Variants in MYO5A observed in about 807,000 individuals in gnomAD.
MYO5A encodes unconventional myosin-Va.
A neutral mutation model predicts 249.7 loss-of-function variants in MYO5A; 98 were observed. That is an observed-to-expected ratio of 0.39 (90% CI 0.33 to 0.46). MYO5A has a LOEUF of 0.46. Ranked by LOEUF, MYO5A falls within the 20% of genes least tolerant of loss-of-function variation. The pLI is 0.98. For synonymous variants in MYO5A, 778 were observed against 810.6 expected (o/e 0.96, Z 0.68); for missense variants, 1,696 against 2,308.8 (o/e 0.73, Z 5.44).
At chr15:52,524,978 A>G (rs2077705372) in intron 1 of MYO5A, among the ~76,000 whole-genome samples, 1 of 152,112 alleles carries the variant, frequency 6.6e-6, no homozygotes, top group Non-Finnish European at 1.5e-5. Context: ...TGATGACAGG[A>G]GGAATAGCAT....
At chr15:52,508,858 A>G (rs146183756) in intron 1 of MYO5A, among the ~76,000 whole-genome samples, 2 of 152,322 alleles carry the variant, frequency 1.3e-5, no homozygotes, top group African/African-American at 2.4e-5. Flanking sequence ...CAACAATACA[A>G]TGAAATCCGT....
chr15:52,357,279 A>G (rs1219294754), intron 25 of MYO5A, among the ~76,000 whole-genome samples: 4 of 152,072 alleles, frequency 2.6e-5, no homozygotes, highest in Non-Finnish European at 1.5e-5. Context: ...TAAATTATTT[A>G]ATCTTTTCTT....
intron 1 of MYO5A, among the ~76,000 whole-genome samples, chr15:52,465,816 C>G (rs966858453): frequency 6.6e-6 from 1 of 151,958 alleles, no homozygotes; most frequent in Non-Finnish European, 1.5e-5. Context: ...AGTGTGTAGA[C>G]AATCATACTT....
intron 1 of MYO5A, among the ~76,000 whole-genome samples, chr15:52,501,534 G>C (rs188697731): frequency 1.2e-4 from 18 of 152,190 alleles, no homozygotes; most frequent in African/African-American, 4.3e-4. Context: ...AGGAGTTCAA[G>C]GCTGCAGTGA....
intron 1 of MYO5A, among the ~76,000 whole-genome samples, chr15:52,448,209 C>T (rs1049746492): frequency 6.6e-6 from 1 of 152,258 alleles, no homozygotes; most frequent in Non-Finnish European, 1.5e-5. Context: ...CCACTCCTTG[C>T]ATCAGTGTGC....
intron 3 of MYO5A, among the ~76,000 whole-genome samples, chr15:52,426,445 A>C (rs2075396361): frequency 6.6e-6 from 1 of 152,102 alleles, no homozygotes; most frequent in African/African-American, 2.4e-5. Context: ...TAGACTACTA[A>C]GCCACTACCA....
intron 4 of MYO5A, among the ~76,000 whole-genome samples, chr15:52,417,659 T>C (rs1166213120): frequency 1.3e-5 from 2 of 152,142 alleles, no homozygotes; most frequent in Non-Finnish European, 2.9e-5. Flanking sequence ...CCCTCAGGAA[T>C]GGATTAATGG....
chr15:52,433,820 T>C (rs571797687), intron 1 of MYO5A, among the ~76,000 whole-genome samples: 4 of 152,270 alleles, frequency 2.6e-5, no homozygotes, highest in South Asian at 2.1e-4. Flanking sequence ...AAAACAGTTA[T>C]GATCAAAGCT....
At chr15:52,440,590 A>C (rs1354451229) in intron 1 of MYO5A, among the ~76,000 whole-genome samples, 1 of 152,170 alleles carries the variant, frequency 6.6e-6, no homozygotes, top group Non-Finnish European at 1.5e-5. Context: ...TTCTTTTGGT[A>C]TCTTACCATG....
intron 36 of MYO5A, 33 bp from the exon 37 acceptor site, chr15:52,323,477 T>G: frequency 6.5e-7 from 1 of 1,548,982 alleles, no homozygotes; most frequent in African/African-American, 1.4e-5. Context: ...ACTTGCCTTT[T>G]CCTTAGGGAA....
intron 18 of MYO5A, 76 bp downstream of exon 18, chr15:52,379,549 A>G: frequency 1.5e-6 from 2 of 1,336,342 alleles, no homozygotes; most frequent in African/African-American, 1.4e-5. Flanking sequence ...AATGTTATAC[A>G]AAAGTTCCCG....
At chr15:52,487,372 C>T (rs1013162457) in intron 1 of MYO5A, among the ~76,000 whole-genome samples, 2 of 151,470 alleles carry the variant, frequency 1.3e-5, no homozygotes, top group African/African-American at 4.9e-5. Context: ...GCCATGATCA[C>T]ACCACTGAAC....
intron 1 of MYO5A, among the ~76,000 whole-genome samples, chr15:52,436,529 T>C (rs528450678): frequency 2.0e-5 from 3 of 152,356 alleles, no homozygotes; most frequent in Admixed American, 1.3e-4. Flanking sequence ...CAAACTACTA[T>C]TACCATTCTC....
At chr15:52,365,370 G>A (rs1005609661) in intron 23 of MYO5A, among the ~76,000 whole-genome samples, 5 of 152,172 alleles carry the variant, frequency 3.3e-5, no homozygotes, top group Admixed American at 6.5e-5. Flanking sequence ...CCCTCTTTGT[G>A]GCTGTGGTTT....
chr15:52,325,233 C>T (rs976892381), intron 36 of MYO5A, among the ~76,000 whole-genome samples: 7 of 152,182 alleles, frequency 4.6e-5, no homozygotes, highest in South Asian at 4.2e-4. Context: ...TCTTCACTGA[C>T]GTCTACACAA....
chr15:52,480,703 C>T (rs1693490), intron 1 of MYO5A, among the ~76,000 whole-genome samples: 141,868 of 152,282 alleles, frequency 0.93, 66,934 homozygotes, highest in East Asian at 1. Context: ...CTTGGCAGTG[C>T]TAGTTATCAT....
chr15:52,422,386 G>A (rs567973885), intron 4 of MYO5A, among the ~76,000 whole-genome samples: 2 of 152,064 alleles, frequency 1.3e-5, no homozygotes, highest in African/African-American at 4.8e-5. Context: ...TTAGAACTCT[G>A]CTCCCTTCCC....
chr15:52,520,018 C>T (rs887923686), intron 1 of MYO5A, among the ~76,000 whole-genome samples: 6 of 152,206 alleles, frequency 3.9e-5, no homozygotes, highest in Non-Finnish European at 7.3e-5. Context: ...GCATGAGCCA[C>T]CGCACCTGGC....
chr15:52,483,731 G>T (rs2076762291), intron 1 of MYO5A, among the ~76,000 whole-genome samples: 1 of 152,132 alleles, frequency 6.6e-6, no homozygotes, highest in South Asian at 2.1e-4. Context: ...GAATGCGAAG[G>T]TCCATCCCCA....
Sources: gnomAD v4.1 joint callset for allele counts (sites outside exome capture counted in the v4.1 genomes callset) on GRCh38, gnomAD v4.1.1 for gene constraint, MANE v1.5 for transcripts, NCBI Gene and HGNC (gene_info 2026-07-23, HGNC 2026-07-21) for gene names.